Variants in NRG1 observed in about 807,000 individuals in gnomAD.
NRG1 encodes the protein neuregulin 1.
A neutral mutation model predicts 63.8 loss-of-function variants in NRG1; 18 were observed. That is an observed-to-expected ratio of 0.28 (90% confidence interval 0.19 to 0.42). The LOEUF (loss-of-function observed/expected upper bound fraction) is 0.42. Among genes scored for constraint, NRG1 ranks in the 10% least tolerant of loss-of-function variants. The pLI is 1.00. For synonymous variants in NRG1, 302 were observed against 301.3 expected (o/e 1.00, Z -0.02); for missense variants, 762 against 814.7 (o/e 0.94, Z 0.79).
At chr8:32,572,877 C>T (rs1358137884) in intron 1 of NRG1, among the ~76,000 whole-genome samples, 1 of 152,166 alleles carries the variant, frequency 6.6e-6, no homozygotes, top group Non-Finnish European at 1.5e-5. Context: ...AAATTATACA[C>T]ACCAAATAAA....
At chr8:31,804,971 A>G (rs2131740015) in intron 1 of NRG1, among the ~76,000 whole-genome samples, 1 of 152,344 alleles carries the variant, frequency 6.6e-6, no homozygotes, top group African/African-American at 2.4e-5. Context: ...GTTACTGCTG[A>G]GACACACCGA....
chr8:32,369,299 G>A (rs762445689), intron 1 of NRG1, among the ~76,000 whole-genome samples: 21 of 152,232 alleles, frequency 1.4e-4, no homozygotes, highest in Non-Finnish European at 2.1e-4. Context: ...GTGTGGGGGA[G>A]TCAGGACCCA....
Position 31,811,712 on chromosome 8 carries a change from C to G in NRG1, c.37+172281C>G, listed in dbSNP as rs80182253. On this transcript the variant is annotated intron_variant, in intron 1 of 10. Coordinates refer to the NRG1 transcript ENST00000519301. The stretch of plus-strand genomic sequence containing the variant: ...AAAAAATGTGGACCATGCCTTTGAT[C>G]AGAAATTATTATGAAAATTGTTGTT... Among the ~76,000 whole-genome samples, 1,329 of 152,106 alleles carry G rather than the reference C, an allele frequency of 8.7e-3. 20 individuals carry two copies. The highest frequency in any genetic ancestry group is 0.031 in the African/African-American group (1,271 of 41,484).
intron 1 of NRG1, among the ~76,000 whole-genome samples, chr8:32,158,222 G>A (rs1838360086): frequency 6.6e-6 from 1 of 151,734 alleles, no homozygotes; most frequent in South Asian, 2.1e-4. Flanking sequence ...TTCTCAGTGG[G>A]TTACCCCTTC....
At chr8:31,928,648 A>ACC (rs1834612549) in intron 1 of NRG1, among the ~76,000 whole-genome samples, 1 of 19,270 alleles carries the variant, frequency 5.2e-5, no homozygotes, top group South Asian at 2.7e-3. Context: ...ATATATATAT[A>ACC]TACACACACA....
At chr8:32,548,662 G>C (rs1191582653) in exon 1 of NRG1, 1 of 1,516,848 alleles carries the variant, frequency 6.6e-7, no homozygotes, top group Non-Finnish European at 8.8e-7. Context: ...AACCCGATCC[G>C]AGCCCTTGGA....
intron 1 of NRG1, among the ~76,000 whole-genome samples, chr8:31,710,483 C>T (rs1208438944): frequency 1.3e-5 from 2 of 151,958 alleles, no homozygotes; most frequent in Non-Finnish European, 2.9e-5. Flanking sequence ...TTACTCTCTT[C>T]TCACTAGTGT....
intron 1 of NRG1, among the ~76,000 whole-genome samples, chr8:31,881,834 G>A (rs1238814111): frequency 2.0e-5 from 3 of 152,168 alleles, no homozygotes; most frequent in African/African-American, 7.2e-5. Flanking sequence ...TTAGAGGTGA[G>A]GAAGCTGCAG....
intron 1 of NRG1, among the ~76,000 whole-genome samples, chr8:32,194,258 A>C (rs913708726): frequency 2.0e-5 from 3 of 152,166 alleles, no homozygotes; most frequent in Non-Finnish European, 2.9e-5. Flanking sequence ...GTGTCCTCTA[A>C]ATTAGGTAAG....
intron 5 of NRG1, chr8:32,647,210 GC>G: frequency 6.1e-6 from 6 of 985,384 alleles, no homozygotes; most frequent in Non-Finnish European, 7.2e-6. Flanking sequence ...GGATGCTGTT[GC>G]TATTGTCACT....
intron 1 of NRG1, among the ~76,000 whole-genome samples, chr8:32,003,692 A>T (rs1194342377): frequency 6.6e-6 from 1 of 152,018 alleles, no homozygotes; most frequent in Non-Finnish European, 1.5e-5. Context: ...AAGCATTAAG[A>T]ACCCAAATTT....
intron 1 of NRG1, among the ~76,000 whole-genome samples, chr8:31,990,374 G>C (rs549167587): frequency 2.0e-5 from 3 of 152,148 alleles, no homozygotes; most frequent in Admixed American, 2.0e-4. Context: ...ATTAGTACAT[G>C]GAAGAGAGAG....
intron 5 of NRG1, among the ~76,000 whole-genome samples, chr8:32,672,665 A>G (rs189562649): frequency 6.6e-6 from 1 of 152,332 alleles, no homozygotes; most frequent in East Asian, 1.9e-4. Flanking sequence ...CTTTAATTAG[A>G]AAATGTTTCT....
intron 5 of NRG1, 53 bp downstream of exon 5, chr8:32,616,938 G>T: frequency 1.5e-6 from 2 of 1,300,764 alleles, no homozygotes; most frequent in Admixed American, 3.4e-5. Context: ...GGCACTATCT[G>T]CTTTGGAAGG....
intron 1 of NRG1, among the ~76,000 whole-genome samples, chr8:32,364,956 A>AATTTTTTT (rs1807744817): frequency 1.2e-5 from 1 of 83,062 alleles, no homozygotes; most frequent in Admixed American, 1.3e-4. Flanking sequence ...TCCCTTTACT[A>AATTTTTTT]CTTTTTTTTT....
At chr8:31,687,061 G>A (rs180922531) in intron 1 of NRG1, among the ~76,000 whole-genome samples, 1 of 152,216 alleles carries the variant, frequency 6.6e-6, no homozygotes, top group East Asian at 1.9e-4. Context: ...GAGCCTCTGT[G>A]CCCGGCCCAG....
chr8:32,484,936 G>T (rs1423321616), intron 1 of NRG1, among the ~76,000 whole-genome samples: 1 of 152,100 alleles, frequency 6.6e-6, no homozygotes, highest in Admixed American at 6.6e-5. Context: ...AGAAGATCAG[G>T]CGTAGTGAAC....
chr8:32,402,555 A>G (rs1587398702), intron 1 of NRG1, among the ~76,000 whole-genome samples: 1 of 152,132 alleles, frequency 6.6e-6, no homozygotes, highest in Non-Finnish European at 1.5e-5. Context: ...CTCACTGTCT[A>G]TGCCTCCGAC....
At chr8:32,151,665 T>A (rs1486143652) in intron 1 of NRG1, among the ~76,000 whole-genome samples, 1 of 152,150 alleles carries the variant, frequency 6.6e-6, no homozygotes, top group Non-Finnish European at 1.5e-5. Context: ...GAGAGCCAGA[T>A]GACGCAGCTG....
Sources: gnomAD v4.1 joint callset for allele counts (sites outside exome capture counted in the v4.1 genomes callset) on GRCh38, gnomAD v4.1.1 for gene constraint, MANE v1.5 for transcripts, NCBI Gene and HGNC (gene_info 2026-07-23, HGNC 2026-07-21) for gene names.